HRG: variants seen among roughly 807,000 people sequenced by gnomAD.
HRG encodes histidine-rich glycoprotein.
A neutral mutation model predicts 29.5 loss-of-function variants in HRG; 26 were observed. The observed-to-expected ratio is 0.88, with a 90% CI of 0.65 to 1.22. HRG has a LOEUF of 1.22. Ranked by LOEUF, HRG falls within the 50% of genes most tolerant of loss-of-function variation. HRG has a pLI of 0.00. For synonymous variants in HRG, 243 were observed against 240.4 expected (o/e 1.01, Z -0.10); for missense variants, 671 against 654.5 (o/e 1.03, Z -0.28).
chr3:186,677,321 G>A lies in HRG; in HGVS notation c.1016G>A (p.Arg339Lys), dbSNP rs1265826830. The A allele has an allele frequency of 1.9e-6, 3 of 1,613,898 alleles. No homozygotes were observed. In the African/African-American group the frequency reaches 4.0e-5, roughly 22 times the overall value. ...HATFGTNGAQ[R>K]HSHNNNSSDL... The stretch of plus-strand genomic sequence containing the variant: ...ACTTTTGGCACAAATGGGGCCCAAA[G>A]ACATTCTCATAATAATAATTCCAGT... Residue 339 changes from arginine to lysine, a missense_variant, in exon 7 of 7, where the codon AGA becomes AAA. Arg to Lys is a conservative substitution (Grantham distance 26). Coordinates refer to ENST00000232003, the MANE Select transcript of HRG (RefSeq NM_000412.5).
chr3:186,670,659 T>C (rs1718757966), intron 3 of HRG, among the ~76,000 whole-genome samples: 2 of 152,098 alleles, frequency 1.3e-5, no homozygotes, highest in South Asian at 4.1e-4. Context: ...GCAATTCTCC[T>C]GTCTCAGCCT....
Position 186,677,308 on chromosome 3 carries a change from A to T in HRG, c.1003A>T (p.Asn335Tyr), listed in dbSNP as rs746278114. ...TTGTCAACATGCCACTTTTGGCACA[A>T]ATGGGGCCCAAAGACATTCTCATAA... ...SSCQHATFGT[N>Y]GAQRHSHNNN... Residue 335 changes from asparagine to tyrosine, a missense_variant, in exon 7 of 7, where the codon AAT becomes TAT. Asn to Tyr is a moderately radical substitution (Grantham distance 143, BLOSUM62 -2). Coordinates refer to ENST00000232003, the MANE Select transcript of HRG (RefSeq NM_000412.5). The T allele has an allele frequency of 1.4e-5, 22 of 1,614,032 alleles. No homozygotes were observed. In the East Asian group the frequency reaches 4.9e-4, roughly 36 times the overall value.
intron 1 of HRG, chr3:186,666,922 AAAGAAG>A (rs1377377346): frequency 6.6e-6 from 1 of 152,144 alleles, no homozygotes; most frequent in Non-Finnish European, 1.5e-5. Context: ...CAAAAAAAAA[AAAGAAG>A]AAGAAGAAAA....
At chr3:186,671,509 C>A (rs1718789486) in intron 3 of HRG, 114 bp from the exon 4 acceptor site, 1 of 1,086,846 alleles carries the variant, frequency 9.2e-7, no homozygotes. Flanking sequence ...TTACTCAGCT[C>A]TTCCCACCCT....
chr3:186,674,559 A>G (rs1718907074), intron 5 of HRG: 1 of 215,942 alleles, frequency 4.6e-6, no homozygotes, highest in Admixed American at 5.2e-5. Flanking sequence ...GTTTAGGAGC[A>G]TCTGGAGCAC....
At chr3:186,667,227 C>T (rs1394584918) in intron 1 of HRG, 2 of 152,178 alleles carry the variant, frequency 1.3e-5, no homozygotes, top group Non-Finnish European at 2.9e-5. Context: ...TACTATCAAA[C>T]AGAGTAGGTC....
intron 5 of HRG, chr3:186,674,793 G>C (rs1349857150): frequency 2.1e-5 from 8 of 389,536 alleles, no homozygotes; most frequent in South Asian, 6.3e-5. Flanking sequence ...TGGCCTAAAG[G>C]CAAGGCAGCA....
At chr3:186,672,383 G>A (rs549978333) in intron 4 of HRG, among the ~76,000 whole-genome samples, 1 of 152,206 alleles carries the variant, frequency 6.6e-6, no homozygotes, top group Non-Finnish European at 1.5e-5. Context: ...ATTGGTATAG[G>A]AAAATGCAGG....
intron 1 of HRG, 164 bp from the exon 2 acceptor site, chr3:186,668,771 T>C (rs1474111609): frequency 1.6e-6 from 1 of 611,780 alleles, no homozygotes; most frequent in Non-Finnish European, 2.9e-6. Flanking sequence ...ATTGAAGCTA[T>C]GTATTGGAAT....
In HRG at chr3:186,669,058, A is replaced by G; in HGVS notation, c.300+7A>G. ...CAGACGTCCATCTGAAATAGTAAGT[A>G]AAGAGGGCACCTTCACTCTGCTCTT... On this transcript the variant is annotated splice_region_variant and intron_variant, in intron 2 of 6. Coordinates refer to ENST00000232003, the MANE Select transcript of HRG (RefSeq NM_000412.5). The G allele has an allele frequency of 7.2e-7, 1 of 1,389,690 alleles. No homozygotes were observed. The highest frequency in any genetic ancestry group is 1.0e-6 in the Non-Finnish European group (1 of 974,672). The allele number at this position is 1,389,690 out of a possible 1,614,324, so 86.1% of individuals were successfully genotyped here.
intron 1 of HRG, among the ~76,000 whole-genome samples, chr3:186,668,428 C>T (rs1718678838): frequency 6.6e-6 from 1 of 151,916 alleles, no homozygotes; most frequent in Admixed American, 6.6e-5. Context: ...CATGTTTTAC[C>T]CCAGAGTCTA....
At chr3:186,675,298 T>TGAGAGA (rs1458279876) in intron 6 of HRG, 108 bp downstream of exon 6, 76 of 618,134 alleles carry the variant, frequency 1.2e-4, no homozygotes, top group African/African-American at 3.9e-4. Flanking sequence ...TGTGTGTGTG[T>TGAGAGA]GTGTGTGTGT....
chr3:186,676,844 A>G (rs568502311), intron 6 of HRG, among the ~76,000 whole-genome samples: 2 of 152,294 alleles, frequency 1.3e-5, no homozygotes, highest in Admixed American at 6.5e-5. Flanking sequence ...TTGTGAAACA[A>G]TGATGGTGGT....
chr3:186,668,996 C>T lies in HRG; in HGVS notation c.245C>T (p.Ser82Phe). 6.2e-7 allele frequency: 1 copy of T among 1,612,604 alleles called. No homozygotes were observed. The highest frequency in any genetic ancestry group is 8.5e-7 in the Non-Finnish European group (1 of 1,178,606). ...CAAGAATCGGACTGTTCGGTCCTAT[C>T]CAGGAAATACTGGAATGACTGTGAG... is the stretch of plus-strand genomic sequence containing the variant. The part of the protein sequence containing the change: ...DVQESDCSVL[S>F]RKYWNDCEPP... Residue 82 changes from serine (S) to phenylalanine (F), a missense_variant, in exon 2 of 7, where the codon TCC becomes TTC. Coordinates refer to ENST00000232003, the MANE Select transcript of HRG (RefSeq NM_000412.5).
intron 1 of HRG, among the ~76,000 whole-genome samples, chr3:186,668,342 C>A (rs769299508): frequency 1.2e-4 from 19 of 152,050 alleles, no homozygotes; most frequent in Non-Finnish European, 1.6e-4. Flanking sequence ...ACATGAGAGA[C>A]GTTGCCAAGA....
Position 186,677,073 on chromosome 3 carries a change from G to A in HRG, c.768G>A (p.Pro256=), listed in dbSNP as rs193295280. ...AACATGAGAACATCAATGGTGTACCGCCTCATTTGGGACATCCCTTCCACT... is the reference window on the plus strand; with the variant it reads ...AACATGAGAACATCAATGGTGTACCACCTCATTTGGGACATCCCTTCCACT... ...PQEHENINGV[P]PHLGHPFHWG... is the part of the protein sequence containing the mutation. Residue 256 remains proline (P), a synonymous_variant, in exon 7 of 7, where the codon CCG becomes CCA. Coordinates refer to ENST00000232003, the MANE Select transcript of HRG (RefSeq NM_000412.5). 14 of 1,613,740 alleles carry A rather than the reference G, an allele frequency of 8.7e-6. No individual in the cohort carries two copies. In the Admixed American group the frequency reaches 1.5e-4, roughly 17 times the overall value.
chr3:186,672,390 C>A (rs1462193189), intron 4 of HRG, among the ~76,000 whole-genome samples: 1 of 152,162 alleles, frequency 6.6e-6, no homozygotes, highest in Admixed American at 6.5e-5. Context: ...TAGGAAAATG[C>A]AGGTTATAGA....
Position 186,673,192 on chromosome 3 carries a change from C to T in HRG, c.639+325C>T, listed in dbSNP as rs1029980842. 93 of 375,628 alleles carry T rather than the reference C, an allele frequency of 2.5e-4. 1 individual carries two copies. The highest frequency in any genetic ancestry group is 4.1e-4 in the Non-Finnish European group (81 of 195,800). The allele number at this position is 375,628 out of a possible 1,614,324, so 23.3% of individuals were successfully genotyped here. A position where few individuals can be genotyped will look rare whatever the true frequency, so the allele number is the denominator to read the frequency against. On this transcript the variant is annotated intron_variant, in intron 5 of 6. Transcript: ENST00000232003. ...AGTGTCGGCTCACTGCAACCTCCGC[C>T]TCCCGGGTTCAGGCGATTCTCCTGC...
intron 5 of HRG, chr3:186,673,285 G>T: frequency 3.4e-6 from 1 of 294,356 alleles, no homozygotes; most frequent in Non-Finnish European, 6.6e-6. Flanking sequence ...TGTATTTTTA[G>T]TAGAGATGGG....
Sources: allele counts gnomAD v4.1 joint callset (sites outside exome capture counted in the v4.1 genomes callset), GRCh38; gene constraint gnomAD v4.1.1; transcripts MANE v1.5; gene names NCBI Gene and HGNC (gene_info 2026-07-23, HGNC 2026-07-21).